Variants in PDE6D observed in about 807,000 individuals in gnomAD.
PDE6D encodes the protein phosphodiesterase 6D, also known as retinal rod rhodopsin-sensitive cGMP 3',5'-cyclic phosphodiesterase subunit delta.
A neutral mutation model predicts 21.9 loss-of-function variants in PDE6D; 10 were observed. The observed-to-expected ratio is 0.46, with a 90% confidence interval of 0.28 to 0.78. The LOEUF is 0.78. Ranked by LOEUF, PDE6D falls within the 30% of genes least tolerant of loss-of-function variation. The pLI is 0.12. For missense variants in PDE6D, 139 were observed against 184.8 expected, an observed-to-expected ratio of 0.75 and a Z score of 1.44; for synonymous variants, 59 against 63.5, an observed-to-expected ratio of 0.93 and a Z score of 0.34.
chr2:231,733,646 T>C (rs1443188543), intron 4 of PDE6D, among the ~76,000 whole-genome samples: 1 of 152,104 alleles, frequency 6.6e-6, no homozygotes, highest in Non-Finnish European at 1.5e-5. Context: ...TAGCTTCTCC[T>C]TGAGGAAGCC....
chr2:231,735,879 A>G (rs1482677616), intron 4 of PDE6D, among the ~76,000 whole-genome samples: 44 of 151,650 alleles, frequency 2.9e-4, no homozygotes, highest in Admixed American at 2.9e-3. Context: ...CAAAAAAAAA[A>G]TTAACCGGTG....
intron 1 of PDE6D, among the ~76,000 whole-genome samples, chr2:231,744,478 C>G (rs919551449): frequency 6.6e-6 from 1 of 150,846 alleles, no homozygotes; most frequent in South Asian, 2.1e-4. Context: ...CTTGTTGCCC[C>G]GACTGGAGTG....
Position 231,733,041 on chromosome 2 carries a change from T to A in PDE6D, c.372-8A>T, listed in dbSNP as rs778020664. ...TCTATGATAACGTTCCCACTGTAAG[T>A]AAGAAGAGAAACAGAGGGCAAAAGA... is the stretch of plus-strand genomic sequence containing the variant. On this transcript the variant is annotated splice_polypyrimidine_tract_variant and splice_region_variant and intron_variant, in intron 4 of 4. Coordinates refer to ENST00000287600, the MANE Select transcript of PDE6D (RefSeq NM_002601.4). The A allele has an allele frequency of 1.9e-6, 3 of 1,577,190 alleles. No individual in the cohort carries two copies. The highest frequency in any genetic ancestry group is 2.2e-5 in the East Asian group (1 of 44,704).
intron 1 of PDE6D, among the ~76,000 whole-genome samples, chr2:231,758,258 T>C (rs967953755): frequency 6.6e-6 from 1 of 152,046 alleles, no homozygotes; most frequent in Non-Finnish European, 1.5e-5. Context: ...TCTCCTGGCT[T>C]GGACTCCTGA....
intron 1 of PDE6D, among the ~76,000 whole-genome samples, chr2:231,741,844 A>G (rs2048752201): frequency 6.6e-6 from 1 of 152,298 alleles, no homozygotes; most frequent in South Asian, 2.1e-4. Flanking sequence ...GCTAACACCC[A>G]ATATAATTTA....
chr2:231,776,108 G>A (rs1230089092), intron 1 of PDE6D, among the ~76,000 whole-genome samples: 1 of 151,958 alleles, frequency 6.6e-6, no homozygotes, highest in Non-Finnish European at 1.5e-5. Context: ...GAGGCCTGAG[G>A]TCAGGAGTTC....
chr2:231,753,571 A>G (rs1445951958), intron 1 of PDE6D, among the ~76,000 whole-genome samples: 1 of 151,442 alleles, frequency 6.6e-6, no homozygotes, highest in Non-Finnish European at 1.5e-5. Context: ...AAATAAATAA[A>G]TAAAAATAAA....
chr2:231,754,425 C>A (rs2048867222), intron 1 of PDE6D, among the ~76,000 whole-genome samples: 1 of 147,956 alleles, frequency 6.8e-6, no homozygotes, highest in South Asian at 2.1e-4. Context: ...GGTGCGATCT[C>A]AGCTCACTGC....
At chr2:231,743,694 G>A (rs1167595825) in intron 1 of PDE6D, among the ~76,000 whole-genome samples, 2 of 150,072 alleles carry the variant, frequency 1.3e-5, no homozygotes, top group Non-Finnish European at 3.0e-5. Flanking sequence ...GCCTTCCTCT[G>A]GTTCATATTT....
intron 1 of PDE6D, among the ~76,000 whole-genome samples, chr2:231,761,480 A>G (rs1054970148): frequency 6.6e-6 from 1 of 152,188 alleles, no homozygotes; most frequent in Admixed American, 6.5e-5. Context: ...CTGGCCTATG[A>G]ATCAATAATT....
intron 4 of PDE6D, among the ~76,000 whole-genome samples, chr2:231,734,222 TA>T (rs533454621): frequency 6.7e-6 from 1 of 149,560 alleles, no homozygotes; most frequent in Non-Finnish European, 1.5e-5. Flanking sequence ...TCAAAAAAAA[TA>T]AAAAAAAATA....
At chr2:231,741,641 G>A (rs912112148) in intron 1 of PDE6D, among the ~76,000 whole-genome samples, 20 of 152,178 alleles carry the variant, frequency 1.3e-4, no homozygotes, top group Non-Finnish European at 5.9e-5. Context: ...ATATGGAAAG[G>A]AGATTTATAC....
At chr2:231,779,968 T>C (rs1275959994) in intron 1 of PDE6D, among the ~76,000 whole-genome samples, 1 of 152,210 alleles carries the variant, frequency 6.6e-6, no homozygotes, top group Non-Finnish European at 1.5e-5. Context: ...AGCCCTGAAG[T>C]GGTGACTACC....
At chr2:231,777,785 G>C (rs752834093) in intron 1 of PDE6D, among the ~76,000 whole-genome samples, 1 of 152,158 alleles carries the variant, frequency 6.6e-6, no homozygotes, top group Non-Finnish European at 1.5e-5. Context: ...AATAGTACTG[G>C]AACTATTGGC....
intron 1 of PDE6D, among the ~76,000 whole-genome samples, chr2:231,751,989 T>C (rs1012638236): frequency 1.3e-5 from 2 of 152,272 alleles, no homozygotes; most frequent in African/African-American, 4.8e-5. Context: ...CTTGGAATTA[T>C]ACACTGGAGA....
intron 1 of PDE6D, among the ~76,000 whole-genome samples, chr2:231,758,134 CCTGT>C (rs766581261): frequency 3.2e-4 from 48 of 152,206 alleles, no homozygotes; most frequent in Middle Eastern, 3.4e-3. Flanking sequence ...TACCTACCTA[CCTGT>C]CTGTCTGTCT....
chr2:231,779,389 T>C (rs1337671147), intron 1 of PDE6D: 1 of 152,234 alleles, frequency 6.6e-6, no homozygotes, highest in Non-Finnish European at 1.5e-5. Context: ...CTTTTCTGCT[T>C]TGTTCAAAAG....
chr2:231,758,298 AT>A (rs61283279), intron 1 of PDE6D, among the ~76,000 whole-genome samples: 8 of 148,622 alleles, frequency 5.4e-5, no homozygotes, highest in Admixed American at 2.7e-4. Context: ...CCCCCAGCTA[AT>A]TTTTTTTTTG....
chr2:231,753,998 G>T (rs1351616617), intron 1 of PDE6D, among the ~76,000 whole-genome samples: 2 of 152,186 alleles, frequency 1.3e-5, no homozygotes, highest in Non-Finnish European at 2.9e-5. Context: ...ACTCTTGTCT[G>T]AAGCTTCTCA....
Sources: allele counts gnomAD v4.1 joint callset (sites outside exome capture counted in the v4.1 genomes callset), GRCh38; gene constraint gnomAD v4.1.1; transcripts MANE v1.5; gene names NCBI Gene and HGNC (gene_info 2026-07-23, HGNC 2026-07-21).